Variants in CPQ observed in about 807,000 individuals in gnomAD.
CPQ encodes the protein Ser-Met dipeptidase.
CPQ carries 37 observed loss-of-function variants against 45.7 expected under a neutral mutation model. That is an observed-to-expected ratio of 0.81 (90% CI 0.62 to 1.07). The LOEUF is 1.07. Ranked by LOEUF, CPQ falls within the 50% of genes least tolerant of loss-of-function variation. The probability of loss-of-function intolerance (pLI) is 0.00; values close to 1 mark genes in which losing one functional copy is unlikely to be tolerated. For synonymous variants in CPQ, 186 were observed against 205.8 expected (o/e 0.90, Z 0.82); for missense variants, 537 against 572.9 (o/e 0.94, Z 0.64).
At chr8:96,894,339 A>G (rs989879705) in intron 4 of CPQ, among the ~76,000 whole-genome samples, 8 of 152,360 alleles carry the variant, frequency 5.3e-5, no homozygotes, top group Admixed American at 1.3e-4. Flanking sequence ...TAATACAGCA[A>G]TTAAAGGGCA....
chr8:97,029,971 G>A (rs1809871552), intron 6 of CPQ, among the ~76,000 whole-genome samples: 1 of 152,172 alleles, frequency 6.6e-6, no homozygotes, highest in African/African-American at 2.4e-5. Context: ...TCTGTCCCAG[G>A]AATGTGGAGG....
At chr8:96,681,782 C>T (rs975697925) in intron 1 of CPQ, among the ~76,000 whole-genome samples, 1 of 152,196 alleles carries the variant, frequency 6.6e-6, no homozygotes, top group African/African-American at 2.4e-5. Flanking sequence ...TGCAAAGCCA[C>T]AGAGGCAGAG....
intron 1 of CPQ, among the ~76,000 whole-genome samples, chr8:96,697,066 A>G (rs1346348662): frequency 6.6e-6 from 1 of 152,180 alleles, no homozygotes; most frequent in East Asian, 1.9e-4. Flanking sequence ...ACACATTGAA[A>G]GACAAAAACA....
At chr8:97,019,152 T>TA (rs1320697921) in intron 5 of CPQ, among the ~76,000 whole-genome samples, 2 of 152,140 alleles carry the variant, frequency 1.3e-5, no homozygotes, top group Non-Finnish European at 2.9e-5. Context: ...GAAAGAAAGA[T>TA]ACAGCCTTTT....
At chr8:97,004,380 T>TA (rs1563551717) in intron 5 of CPQ, among the ~76,000 whole-genome samples, 1 of 151,736 alleles carries the variant, frequency 6.6e-6, no homozygotes, top group African/African-American at 2.4e-5. Context: ...TTAGTGATTT[T>TA]AAAAAAACAA....
At chr8:97,097,365 G>A (rs978768972) in intron 7 of CPQ, among the ~76,000 whole-genome samples, 1 of 152,056 alleles carries the variant, frequency 6.6e-6, no homozygotes, top group Non-Finnish European at 1.5e-5. Flanking sequence ...TGAAATGCCT[G>A]ACTTGCTAGT....
chr8:96,856,172 A>G (rs1250163769), intron 3 of CPQ, among the ~76,000 whole-genome samples: 1 of 152,218 alleles, frequency 6.6e-6, no homozygotes, highest in Non-Finnish European at 1.5e-5. Context: ...ATATGATCTA[A>G]TCTGTGCTTT....
At chr8:96,875,572 T>C (rs1257296002) in intron 3 of CPQ, among the ~76,000 whole-genome samples, 1 of 151,956 alleles carries the variant, frequency 6.6e-6, no homozygotes, top group Non-Finnish European at 1.5e-5. Context: ...TGTTGAACTG[T>C]CTGGGTATCT....
chr8:97,064,469 G>A (rs1482666751), intron 6 of CPQ, among the ~76,000 whole-genome samples: 8 of 152,140 alleles, frequency 5.3e-5, no homozygotes. Flanking sequence ...AGCTGAGGTG[G>A]CATTTTTTAT....
intron 7 of CPQ, among the ~76,000 whole-genome samples, chr8:97,141,352 G>A (rs1024445246): frequency 2.0e-5 from 3 of 151,954 alleles, no homozygotes; most frequent in African/African-American, 7.2e-5. Context: ...CAAATCCATT[G>A]AAAAATGGGC....
rs1248863028 is a variant in CPQ, at chr8:97,066,054, A to C, written c.1099A>C (p.Thr367Pro). 2 of 1,611,610 alleles carry C rather than the reference A, an allele frequency of 1.2e-6. No individual in the cohort carries two copies. Among genetic ancestry groups the C allele is most frequent in the East Asian group, 4.5e-5 (2 of 44,808 alleles). The part of the protein sequence containing the change: ...YSLVMESDAG[T>P]FLPTGLQFTG... ...TCTGGTGATGGAGTCTGACGCAGGAACCTTCTTACCCACTGGGCTGCAATT... is the reference window on the plus strand; with the variant it reads ...TCTGGTGATGGAGTCTGACGCAGGACCCTTCTTACCCACTGGGCTGCAATT... Residue 367 changes from threonine (T) to proline (P), a missense_variant, in exon 7 of 8, where the codon ACC becomes CCC. Physicochemically the swap from Thr to Pro is conservative, Grantham distance 38 (BLOSUM62 -1). Transcript: ENST00000220763.
At chr8:97,095,515 G>A (rs1020163920) in intron 7 of CPQ, among the ~76,000 whole-genome samples, 1 of 152,040 alleles carries the variant, frequency 6.6e-6, no homozygotes, top group Middle Eastern at 3.2e-3. Context: ...CCAAAATGTG[G>A]CTTCCCATTC....
At chr8:96,829,617 T>C (rs908919712) in intron 2 of CPQ, among the ~76,000 whole-genome samples, 1 of 152,130 alleles carries the variant, frequency 6.6e-6, no homozygotes, top group African/African-American at 2.4e-5. Context: ...CTTTGTTCTC[T>C]ACCTGAAAAT....
At chr8:96,673,494 G>A (rs960377617) in intron 1 of CPQ, among the ~76,000 whole-genome samples, 2 of 152,108 alleles carry the variant, frequency 1.3e-5, no homozygotes, top group South Asian at 2.1e-4. Flanking sequence ...CAAATCAGAG[G>A]TACTTTCCAT....
At chr8:97,116,660 A>G (rs1285508306) in intron 7 of CPQ, among the ~76,000 whole-genome samples, 6 of 152,238 alleles carry the variant, frequency 3.9e-5, no homozygotes, top group African/African-American at 1.4e-4. Context: ...GACCTGTGAT[A>G]TAAATGAAAC....
intron 3 of CPQ, among the ~76,000 whole-genome samples, chr8:96,854,557 A>AACAC (rs1554573254): frequency 0.19 from 14,334 of 76,830 alleles, 4,118 homozygotes; most frequent in Non-Finnish European, 0.25. Context: ...AAAAAAAAAA[A>AACAC]AATGTGGTGG....
At chr8:96,999,397 C>T (rs1452340711) in intron 5 of CPQ, among the ~76,000 whole-genome samples, 3 of 151,944 alleles carry the variant, frequency 2.0e-5, no homozygotes, top group African/African-American at 2.4e-5. Flanking sequence ...TCCCAGCCCT[C>T]ATCCTCCAAA....
intron 2 of CPQ, among the ~76,000 whole-genome samples, chr8:96,824,414 T>G (rs1467252792): frequency 1.3e-5 from 2 of 152,082 alleles, no homozygotes; most frequent in African/African-American, 4.8e-5. Flanking sequence ...CTGATATCAT[T>G]ATTTTCACTC....
At position 96,730,866 on chromosome 8, in the gene CPQ, C is replaced by CATACATATATATATATATATATATAT. The variant is rs56216136; in HGVS notation, c.-34-53995_-34-53994insCATATATATATATATATATATATATA. On this transcript the variant is annotated intron_variant, in intron 1 of 7. Coordinates refer to ENST00000220763, the MANE Select transcript of CPQ (RefSeq NM_016134.4). ...GATCTAGATCAATTAACCATACATA[C>CATACATATATATATATATATATATAT]ATATATATATATATATATATATATA... Among the ~76,000 whole-genome samples the CATACATATATATATATATATATATAT allele has an allele frequency of 5.3e-3, 365 of 68,368 alleles. 12 individuals carry two copies. The highest frequency in any genetic ancestry group is 8.2e-3 in the Non-Finnish European group (267 of 32,642). The allele number at this position is 68,368 out of a possible 152,430, so 44.9% of individuals were successfully genotyped here.
Sources: gnomAD v4.1 joint callset for allele counts (sites outside exome capture counted in the v4.1 genomes callset) on GRCh38, gnomAD v4.1.1 for gene constraint, MANE v1.5 for transcripts, NCBI Gene and HGNC (gene_info 2026-07-23, HGNC 2026-07-21) for gene names.